The following CLPTM1 variants were observed in gnomAD, a reference collection of about 807,000 sequenced individuals.
CLPTM1 encodes CLPTM1 regulator of GABA type A receptor forward trafficking.
A neutral mutation model predicts 77.3 loss-of-function variants in CLPTM1; 21 were observed. That is an observed-to-expected ratio of 0.27 (90% CI 0.19 to 0.39). The LOEUF (loss-of-function observed/expected upper bound fraction) is 0.39, where lower values mean the gene tolerates loss of function less well. Ranked by LOEUF, CLPTM1 falls within the 10% of genes least tolerant of loss-of-function variation. CLPTM1 has a pLI of 1.00. For missense variants in CLPTM1, 642 were observed against 921.2 expected (o/e 0.70, Z 3.92); for synonymous variants, 373 against 381.0 (o/e 0.98, Z 0.24).
chr19:44,987,294 C>T lies in CLPTM1; in HGVS notation c.909C>T (p.Leu303=). The T allele has an allele frequency of 6.2e-7, 1 of 1,614,268 alleles. No homozygotes were observed. The highest frequency in any genetic ancestry group is 8.5e-7 in the Non-Finnish European group (1 of 1,180,050). Residue 303 remains leucine (L), a synonymous_variant, in exon 8 of 14, where the codon CTC becomes CTT. Coordinates refer to ENST00000337392, the MANE Select transcript of CLPTM1 (RefSeq NM_001294.4). The part of the protein sequence containing the change: ...PINESLASLP[L]RVSFCPLSLW... ...ACGAGAGCCTGGCCAGCCTGCCGCT[C>T]CGCGTCTCCTTCTGCCCACTCTCGC...
In CLPTM1 at chr19:44,990,892, T is replaced by C. The variant is rs775764751; in HGVS notation, c.1366T>C (p.Ser456Pro). 1 of 1,614,022 alleles carries C rather than the reference T, an allele frequency of 6.2e-7. No homozygotes were observed. The highest frequency in any genetic ancestry group is 8.5e-7 in the Non-Finnish European group (1 of 1,179,940). ...HRVAGIFPRL[S>P]FKDKSTYIES... ...GGTGGCAGGAATCTTCCCCCGCCTA[T>C]CCTTCAAGGACAAGTCCACGTATAT... Residue 456 changes from serine (S) to proline (P), a missense_variant, in exon 11 of 14, where the codon TCC (serine) becomes CCC (proline). Coordinates refer to ENST00000337392, the MANE Select transcript of CLPTM1 (RefSeq NM_001294.4). This position sits in a 1 kb window ranked among gnomAD's most constrained non-coding sequence, Gnocchi z 4.8.
chr19:44,955,400 C>T lies in CLPTM1; in HGVS notation c.5C>T (p.Ala2Val), dbSNP rs1000005480. The T allele has an allele frequency of 4.8e-5, 63 of 1,318,350 alleles. No individual in the cohort carries two copies. In the Admixed American group the frequency reaches 8.9e-4, roughly 19 times the overall value. The allele number at this position is 1,318,350 out of a possible 1,614,324, so 81.7% of individuals were successfully genotyped here. M[A>V]AAQEADGARS... ...GCGGGGACCCGGAGCGGGAAGATGG[C>T]GGCGGCGCAGGAGGCGGACGGGGCC... The change falls in exon 1 of 14, where the codon GCG (alanine) becomes GTG (valine). Residue 2 changes from alanine to valine, a missense_variant. Physicochemically the swap from Ala to Val is moderately conservative, Grantham distance 64. This residue lies in a region of CLPTM1 where 121 missense variants were observed against 120.8 expected (regional missense o/e 1.00). Coordinates refer to ENST00000337392, the MANE Select transcript of CLPTM1 (RefSeq NM_001294.4).
rs771699515 is a variant in CLPTM1 at position 44,977,431 on chromosome 19, G to T, written c.557G>T (p.Arg186Leu). 2 of 1,607,988 alleles carry T rather than the reference G, an allele frequency of 1.2e-6. No homozygotes were observed. The highest frequency in any genetic ancestry group is 3.3e-5 in the Admixed American group (2 of 59,970). Residue 186 changes from arginine (R) to leucine (L), a missense_variant, in exon 5 of 14, where the codon CGC (arginine) becomes CTC (leucine). By Grantham distance (102) the Arg-to-Leu change is moderately radical. This residue lies in a region of CLPTM1 where 521 missense variants were observed against 800.4 expected (regional missense o/e 0.65). Transcript: ENST00000337392. ...GACCCCCGGCAGAAGGCCCTGTACCGCCGGCTTGCCACAGTCCACATGTCC... is the reference window on the plus strand; with the variant it reads ...GACCCCCGGCAGAAGGCCCTGTACCTCCGGCTTGCCACAGTCCACATGTCC... The part of the protein sequence containing the change: ...HPDPRQKALY[R>L]RLATVHMSRM...
intron 4 of CLPTM1, among the ~76,000 whole-genome samples, chr19:44,976,782 C>T (rs1396845562): frequency 6.6e-6 from 1 of 152,192 alleles, no homozygotes; most frequent in African/African-American, 2.4e-5. Flanking sequence ...GGGTTTCCAT[C>T]TGCGTACTTG....
intron 5 of CLPTM1, among the ~76,000 whole-genome samples, chr19:44,983,309 C>G (rs1215344515): frequency 1.3e-5 from 2 of 152,038 alleles, no homozygotes; most frequent in East Asian, 3.9e-4. Context: ...ACTGAGTTTT[C>G]CTTCATAGCA....
At chr19:44,969,193 C>A (rs184742075) in intron 2 of CLPTM1, among the ~76,000 whole-genome samples, 1 of 152,270 alleles carries the variant, frequency 6.6e-6, no homozygotes, top group East Asian at 1.9e-4. Context: ...TGTATATACA[C>A]GCTATATAAA....
intron 1 of CLPTM1, among the ~76,000 whole-genome samples, chr19:44,956,094 G>A (rs1413175763): frequency 6.6e-6 from 1 of 152,198 alleles, no homozygotes; most frequent in Non-Finnish European, 1.5e-5. Context: ...GATGACTTCT[G>A]CCCCACTGCT....
In CLPTM1 at chr19:44,986,537, C is replaced by T. The variant is rs1452638022; in HGVS notation, c.755C>T (p.Pro252Leu). The T allele has an allele frequency of 2.5e-6, 4 of 1,613,918 alleles. No individual in the cohort carries two copies. Among genetic ancestry groups the T allele is most frequent in the East Asian group, 2.2e-5 (1 of 44,890 alleles). ...ITINIVDDHTPWVKGSVPPPL... is the reference protein window; with the variant it reads ...ITINIVDDHTLWVKGSVPPPL... ...ATCAACATCGTGGACGACCACACGC[C>T]GTGGGTGAAGGGCAGTGTGCCCCCT... Residue 252 changes from proline (P) to leucine (L), a missense_variant, in exon 7 of 14, where the codon CCG becomes CTG. By Grantham distance (98) the Pro-to-Leu change is moderately conservative. Transcript: ENST00000337392.
At chr19:44,962,784 G>A (rs1365533427) in intron 2 of CLPTM1, among the ~76,000 whole-genome samples, 2 of 151,658 alleles carry the variant, frequency 1.3e-5, no homozygotes, top group Non-Finnish European at 2.9e-5. Context: ...AAAAAAATCT[G>A]GCTGGGCACG....
intron 2 of CLPTM1, among the ~76,000 whole-genome samples, chr19:44,962,988 G>A (rs1188934808): frequency 2.0e-5 from 3 of 151,096 alleles, no homozygotes; most frequent in Non-Finnish European, 4.4e-5. Flanking sequence ...TCGCGCTACT[G>A]CACTCCAGCC....
intron 2 of CLPTM1, among the ~76,000 whole-genome samples, chr19:44,972,573 A>G (rs1970738275): frequency 6.6e-6 from 1 of 152,160 alleles, no homozygotes; most frequent in Non-Finnish European, 1.5e-5. Context: ...TTTTGTAGCC[A>G]TTAACCATCC....
intron 2 of CLPTM1, among the ~76,000 whole-genome samples, chr19:44,967,376 A>C (rs1253006888): frequency 1.3e-5 from 2 of 151,448 alleles, no homozygotes; most frequent in East Asian, 3.9e-4. Flanking sequence ...AAAGTTCATG[A>C]GGCCGGGTGC....
At chr19:44,960,714 G>A (rs1475665005) in intron 1 of CLPTM1, among the ~76,000 whole-genome samples, 5 of 152,178 alleles carry the variant, frequency 3.3e-5, no homozygotes, top group African/African-American at 7.2e-5. Context: ...TGGAGGAGAG[G>A]GCCAGACACT....
At position 44,991,936 on chromosome 19, in the gene CLPTM1, A is replaced by G. The variant is rs1375750262; in HGVS notation, c.1556-297A>G. 6.6e-6 allele frequency among the ~76,000 whole-genome samples: 1 copy of G among 152,088 alleles called. No individual in the cohort carries two copies. Among genetic ancestry groups the G allele is most frequent in the African/African-American group, 2.4e-5 (1 of 41,394 alleles). ...CAAAAGACCGGGTGAATCACAGCCA[A>G]TAGTGAGTACTGTGAAGGGCAGAGT... On this transcript the variant is annotated intron_variant, in intron 12 of 13. Coordinates refer to ENST00000337392, the MANE Select transcript of CLPTM1 (RefSeq NM_001294.4). The surrounding 1 kb of genome is among the most constrained non-coding windows in gnomAD (Gnocchi z 5.4).
intron 1 of CLPTM1, among the ~76,000 whole-genome samples, chr19:44,961,413 C>T (rs1264918727): frequency 6.6e-6 from 1 of 152,170 alleles, no homozygotes; most frequent in African/African-American, 2.4e-5. Flanking sequence ...CCATAAGACT[C>T]CTTCTGTTGT....
At chr19:44,955,376 C>CGGGGGGGGGGCGGGCGGGGGGGGG, upstream of CLPTM1, 2 of 631,180 alleles carry the variant, frequency 3.2e-6, no homozygotes, top group Non-Finnish European at 4.1e-6. Flanking sequence ...GCGGCGGGGG[C>CGGGGGGGGGGCGGGCGGGGGGGGG]GGGGACCCGG....
intron 2 of CLPTM1, among the ~76,000 whole-genome samples, chr19:44,965,178 A>T (rs1970607427): frequency 6.6e-6 from 1 of 152,170 alleles, no homozygotes; most frequent in African/African-American, 2.4e-5. Flanking sequence ...CTTATGAGAT[A>T]GAAGGAATTG....
At chr19:44,960,654 G>T (rs1255192098) in intron 1 of CLPTM1, among the ~76,000 whole-genome samples, 1 of 152,196 alleles carries the variant, frequency 6.6e-6, no homozygotes, top group African/African-American at 2.4e-5. Context: ...TTGCTATCTG[G>T]TGGGTAAGGT....
chr19:44,990,847 C>T lies in CLPTM1; in HGVS notation c.1324-3C>T. ...CTGACCATGGCACCCACCTCATCCA[C>T]AGCTGGACCGAGAGCACAGGGTGGC... is the stretch of plus-strand genomic sequence containing the variant. On this transcript the variant is annotated splice_polypyrimidine_tract_variant and splice_region_variant and intron_variant, in intron 10 of 13. Transcript: ENST00000337392. The surrounding 1 kb of genome is among the most constrained non-coding windows in gnomAD (Gnocchi z 4.8). 1 of 1,612,868 alleles carries T rather than the reference C, an allele frequency of 6.2e-7. No individual in the cohort carries two copies. Among genetic ancestry groups the T allele is most frequent in the Admixed American group, 1.7e-5 (1 of 59,954 alleles).
Sources: gnomAD v4.1 joint callset for allele counts (sites outside exome capture counted in the v4.1 genomes callset) on GRCh38, gnomAD v4.1.1 for gene constraint, gnomAD v4.1.1 regional missense constraint, Gnocchi (gnomAD v3.1) non-coding constraint, MANE v1.5 for transcripts, NCBI Gene and HGNC (gene_info 2026-07-23, HGNC 2026-07-21) for gene names.